MESP1: variants seen among roughly 807,000 people sequenced by gnomAD.
MESP1 encodes mesoderm posterior bHLH transcription factor 1, also known as mesoderm posterior protein 1.
A neutral mutation model predicts 15.2 loss-of-function variants in MESP1; 22 were observed. That is an observed-to-expected ratio of 1.45 (90% CI 1.04 to 2.07). The LOEUF (loss-of-function observed/expected upper bound fraction) is 2.07. Ranked by LOEUF, MESP1 falls within the 30% of genes most tolerant of loss-of-function variation. The pLI is 0.00. For missense variants in MESP1, 484 were observed against 411.9 expected, an observed-to-expected ratio of 1.17 and a Z score of -1.51; for synonymous variants, 216 against 192.6, an observed-to-expected ratio of 1.12 and a Z score of -1.01.
downstream of MESP1, among the ~76,000 whole-genome samples, chr15:89,746,857 C>CTCTACACACACA (rs1567139289): frequency 1.1e-3 from 136 of 126,874 alleles, 10 homozygotes; most frequent in African/African-American, 3.7e-3. Context: ...ACAGCCCTGC[C>CTCTACACACACA]GCCACACACA....
chr15:89,736,235 G>A, the MESP1 span, among the ~76,000 whole-genome samples: 5 of 152,220 alleles, frequency 3.3e-5, no homozygotes, highest in Non-Finnish European at 5.9e-5. Flanking sequence ...AGAGGGAAGC[G>A]TGCGCGGTTG....
At chr15:89,742,435 AG>A in the MESP1 span, among the ~76,000 whole-genome samples, 3 of 152,048 alleles carry the variant, frequency 2.0e-5, no homozygotes, top group East Asian at 5.8e-4. Flanking sequence ...CACCCTGCTA[AG>A]CGTGCCCGTC....
chr15:89,746,503 C>A (rs1567139112), downstream of MESP1, among the ~76,000 whole-genome samples: 2 of 147,688 alleles, frequency 1.4e-5, no homozygotes, highest in Non-Finnish European at 3.0e-5. Context: ...AGCCCCGCCT[C>A]CACACACACA....
chr15:89,739,001 C>T, the MESP1 span, among the ~76,000 whole-genome samples: 2 of 151,636 alleles, frequency 1.3e-5, no homozygotes, highest in Non-Finnish European at 2.9e-5. Context: ...TTTGTCCCAG[C>T]TACTCTGGAG....
At chr15:89,747,623 T>A (rs548962195), downstream of MESP1, among the ~76,000 whole-genome samples, 2 of 152,102 alleles carry the variant, frequency 1.3e-5, no homozygotes, top group African/African-American at 4.8e-5. Flanking sequence ...CCCAGTACCC[T>A]CTGTTCTTGA....
the MESP1 span, chr15:89,735,462 G>A: frequency 3.1e-6 from 5 of 1,610,900 alleles, no homozygotes; most frequent in Admixed American, 3.3e-5. Context: ...TAAAGTAGGA[G>A]AATGTCTGTA....
At chr15:89,746,623 CCACA>C (rs1186928980), downstream of MESP1, among the ~76,000 whole-genome samples, 5 of 141,328 alleles carry the variant, frequency 3.5e-5, no homozygotes, top group Admixed American at 1.4e-4. Flanking sequence ...AGCTCCGCCT[CCACA>C]CACAGAGACA....
Position 89,750,055 on chromosome 15 carries a change from C to T in MESP1, c.*89G>A. 7.6e-7 allele frequency: 1 copy of T among 1,314,164 alleles called. No individual in the cohort carries two copies. Among genetic ancestry groups the T allele is most frequent in the African/African-American group, 1.4e-5 (1 of 69,108 alleles). The allele number at this position is 1,314,164 out of a possible 1,614,324, so 81.4% of individuals were successfully genotyped here. On this transcript the variant is annotated 3_prime_UTR_variant, in exon 2 of 2. Transcript: ENST00000300057. ...CGTCGGGATCGCCCGTGCCCTCTTC[C>T]AGGAAAGGCAGTCTGCCAAGGAACC...
downstream of MESP1, among the ~76,000 whole-genome samples, chr15:89,747,699 C>G (rs1321390505): frequency 1.3e-5 from 2 of 152,222 alleles, no homozygotes; most frequent in African/African-American, 4.8e-5. Flanking sequence ...GGTCTGGAGT[C>G]ACAGCCGGGT....
At position 89,750,125 on chromosome 15, in the gene MESP1, CG is replaced by C. The variant is rs759264874; in HGVS notation, c.*18del. 1.2e-6 allele frequency: 2 copies of C among 1,612,342 alleles called. No homozygotes were observed. Among genetic ancestry groups the C allele is most frequent in the East Asian group, 4.5e-5 (2 of 44,874 alleles). On this transcript the variant is annotated 3_prime_UTR_variant, in exon 2 of 2. Transcript: ENST00000300057. ...CAAAAAGCCTCGGTGCTCACAGAGA[CG>C]GCGTCAGTTGTCCCTTGTCACTTGG... is the stretch of plus-strand genomic sequence containing the variant.
the MESP1 span, among the ~76,000 whole-genome samples, chr15:89,740,082 A>G: frequency 6.6e-6 from 1 of 152,182 alleles, no homozygotes; most frequent in African/African-American, 2.4e-5. Flanking sequence ...CATTTTAATG[A>G]TGCCTGATTT....
At chr15:89,743,977 G>A in the MESP1 span, among the ~76,000 whole-genome samples, 7 of 152,192 alleles carry the variant, frequency 4.6e-5, no homozygotes, top group African/African-American at 1.4e-4. Context: ...CTGGCCTGCT[G>A]GCTCAGGAAC....
At chr15:89,741,178 T>C in the MESP1 span, among the ~76,000 whole-genome samples, 2 of 152,238 alleles carry the variant, frequency 1.3e-5, no homozygotes, top group African/African-American at 4.8e-5. Context: ...ATTCTTTATT[T>C]GCTATTACAC....
the MESP1 span, among the ~76,000 whole-genome samples, chr15:89,740,392 G>C: frequency 6.6e-6 from 1 of 152,348 alleles, no homozygotes; most frequent in East Asian, 1.9e-4. Flanking sequence ...GGTCTCATGA[G>C]TCTCTGGGGA....
At chr15:89,748,078 C>T (rs895584193), downstream of MESP1, among the ~76,000 whole-genome samples, 6 of 152,244 alleles carry the variant, frequency 3.9e-5, no homozygotes, top group South Asian at 6.2e-4. Context: ...GGCTCAGAGG[C>T]GGAGGAGAAG....
the MESP1 span, chr15:89,733,301 C>G: frequency 3.8e-6 from 5 of 1,321,878 alleles, no homozygotes; most frequent in Non-Finnish European, 5.2e-6. Flanking sequence ...CTGACAGCCT[C>G]TCTGACTACA....
intron 1 of MESP1, 93 bp from the exon 2 acceptor site, chr15:89,750,320 G>T: frequency 6.4e-7 from 1 of 1,567,842 alleles, no homozygotes; most frequent in Non-Finnish European, 8.7e-7. Flanking sequence ...GGGGCCCCTA[G>T]CGAGGGGAGA....
At chr15:89,750,407 C>T (rs1440937686) in intron 1 of MESP1, 102 bp downstream of exon 1, 1 of 1,455,120 alleles carries the variant, frequency 6.9e-7, no homozygotes, top group East Asian at 2.5e-5. Flanking sequence ...GGTGGCCAGG[C>T]TGCCGGCGGG....
intron 1 of MESP1, 61 bp downstream of exon 1, chr15:89,750,448 C>T (rs1162759056): frequency 4.2e-5 from 60 of 1,436,716 alleles, no homozygotes; most frequent in Non-Finnish European, 5.1e-5. Flanking sequence ...CTCACCTTGG[C>T]GGGCGGTGGG....
Sources: gnomAD v4.1 joint callset for allele counts (sites outside exome capture counted in the v4.1 genomes callset) on GRCh38, gnomAD v4.1.1 for gene constraint, MANE v1.5 for transcripts, NCBI Gene and HGNC (gene_info 2026-07-23, HGNC 2026-07-21) for gene names.